SYCP1: variants seen among roughly 807,000 people sequenced by gnomAD.
SYCP1 encodes cancer/testis antigen 8.
SYCP1 carries 64 observed loss-of-function variants against 153.1 expected under a neutral mutation model. The ratio of observed to expected loss-of-function variants is 0.42; its 90% CI spans 0.34 to 0.51. SYCP1 has a LOEUF of 0.51. Ranked by LOEUF, SYCP1 falls within the 20% of genes least tolerant of loss-of-function variation. SYCP1 has a pLI of 0.06. For missense variants in SYCP1, 997 were observed against 1,049.0 expected (o/e 0.95, Z 0.68); for synonymous variants, 384 against 341.8 (o/e 1.12, Z -1.36).
chr1:114,992,715 C>A (rs1311232636), intron 30 of SYCP1, among the ~76,000 whole-genome samples: 1 of 151,474 alleles, frequency 6.6e-6, no homozygotes, highest in Non-Finnish European at 1.5e-5. Context: ...CTTCATGACA[C>A]TGGATTTGGC....
At chr1:114,873,204 G>A (rs1665276948) in intron 8 of SYCP1, among the ~76,000 whole-genome samples, 1 of 152,096 alleles carries the variant, frequency 6.6e-6, no homozygotes. Context: ...CTTTTAGTAT[G>A]CTTGTATTTT....
At chr1:114,911,440 G>GA (rs1283295444) in intron 17 of SYCP1, 39 bp from the exon 18 acceptor site, 23 of 1,475,620 alleles carry the variant, frequency 1.6e-5, no homozygotes, top group Non-Finnish European at 2.0e-5. Context: ...GAGAAAATTC[G>GA]AAAAACACTT....
At chr1:114,860,322 T>C (rs1664285876) in intron 7 of SYCP1, among the ~76,000 whole-genome samples, 1 of 152,180 alleles carries the variant, frequency 6.6e-6, no homozygotes, top group South Asian at 2.1e-4. Context: ...ATCAGAAAGT[T>C]ACCTTATTTT....
intron 8 of SYCP1, among the ~76,000 whole-genome samples, chr1:114,861,087 G>C (rs1214741925): frequency 6.6e-6 from 1 of 152,078 alleles, no homozygotes; most frequent in Non-Finnish European, 1.5e-5. Context: ...ACTAACCTCT[G>C]TCTGGAACAA....
At chr1:114,881,543 T>TTCCTTCCTTCCTTC (rs1383711421) in intron 12 of SYCP1, among the ~76,000 whole-genome samples, 4,319 of 123,182 alleles carry the variant, frequency 0.035, 248 homozygotes, top group Middle Eastern at 0.052. Flanking sequence ...TTCCTTCCTT[T>TTCCTTCCTTCCTTC]CTTGATGGAG....
At chr1:114,899,631 AAAG>A (rs1667287634) in intron 16 of SYCP1, among the ~76,000 whole-genome samples, 1 of 152,232 alleles carries the variant, frequency 6.6e-6, no homozygotes, top group Non-Finnish European at 1.5e-5. Flanking sequence ...CACAATTGAC[AAAG>A]AAGTTTGGTA....
At chr1:114,880,337 CTTTCTTTTTACTT>C in intron 12 of SYCP1, among the ~76,000 whole-genome samples, 1 of 152,278 alleles carries the variant, frequency 6.6e-6, no homozygotes, top group Non-Finnish European at 1.5e-5. Flanking sequence ...ATTTGATTTT[CTTTCTTTTTACTT>C]TTTCTTTTTT....
At chr1:114,867,648 A>G (rs1435824340) in intron 8 of SYCP1, among the ~76,000 whole-genome samples, 1 of 151,156 alleles carries the variant, frequency 6.6e-6, no homozygotes, top group African/African-American at 2.4e-5. Context: ...TAGTTCCAGG[A>G]TTTTTTTTTG....
chr1:114,894,817 G>T (rs1027002751), intron 15 of SYCP1, among the ~76,000 whole-genome samples: 1 of 152,078 alleles, frequency 6.6e-6, no homozygotes, highest in Non-Finnish European at 1.5e-5. Flanking sequence ...ATAAGCATTA[G>T]TTTTACTTGG....
At chr1:114,939,124 A>G (rs1171743640) in intron 23 of SYCP1, among the ~76,000 whole-genome samples, 1 of 152,196 alleles carries the variant, frequency 6.6e-6, no homozygotes, top group Non-Finnish European at 1.5e-5. Context: ...TCATAGCAAC[A>G]TTATTCACAA....
chr1:114,919,250 A>T (rs1444749543), intron 20 of SYCP1, among the ~76,000 whole-genome samples: 1 of 152,096 alleles, frequency 6.6e-6, no homozygotes, highest in Non-Finnish European at 1.5e-5. Flanking sequence ...TTTCAGCATC[A>T]ATTGAAATGA....
In SYCP1 at chr1:114,857,444, G is replaced by T. The variant is rs1415967777; in HGVS notation, c.238G>T (p.Val80Phe). 3 of 1,596,664 alleles carry T rather than the reference G, an allele frequency of 1.9e-6. No homozygotes were observed. The highest frequency in any genetic ancestry group is 2.6e-6 in the Non-Finnish European group (3 of 1,171,306). ...CTTATAGAAACATCTATCTTTTTAGGTTGGTAATTCTGACTGTCACTATCA... is the reference window on the plus strand; with the variant it reads ...CTTATAGAAACATCTATCTTTTTAGTTTGGTAATTCTGACTGTCACTATCA... The part of the protein sequence containing the change: ...KVNFLPVLEQ[V>F]GNSDCHYQEG... Residue 80 changes from valine to phenylalanine, a missense_variant and splice_region_variant, in exon 5 of 32, where the codon GTT becomes TTT. Physicochemically the swap from Val to Phe is conservative, Grantham distance 50. Transcript: ENST00000369522.
chr1:114,958,704 A>G (rs1198777219), intron 27 of SYCP1, among the ~76,000 whole-genome samples: 3 of 150,616 alleles, frequency 2.0e-5, no homozygotes, highest in Admixed American at 6.6e-5. Flanking sequence ...GCGGATCACA[A>G]GGTCAGGAGA....
At chr1:114,986,294 A>C (rs1171578634) in intron 30 of SYCP1, among the ~76,000 whole-genome samples, 1 of 152,048 alleles carries the variant, frequency 6.6e-6, no homozygotes, top group Non-Finnish European at 1.5e-5. Context: ...AAGTCATTGC[A>C]CATGATAACT....
intron 27 of SYCP1, among the ~76,000 whole-genome samples, chr1:114,964,481 T>G (rs1168252998): frequency 6.6e-6 from 1 of 152,196 alleles, no homozygotes; most frequent in Admixed American, 6.5e-5. Context: ...TGCCTAGGTT[T>G]TTTTTCTAGG....
chr1:114,910,569 A>G (rs1668111214), intron 17 of SYCP1, 68 bp downstream of exon 17: 1 of 979,508 alleles, frequency 1.0e-6, no homozygotes, highest in Non-Finnish European at 1.4e-6. Context: ...GGATTATGGT[A>G]TAAGTATTTC....
intron 23 of SYCP1, among the ~76,000 whole-genome samples, chr1:114,939,360 G>A (rs1254682727): frequency 6.6e-6 from 1 of 152,074 alleles, no homozygotes; most frequent in Non-Finnish European, 1.5e-5. Flanking sequence ...ATTCATGGTG[G>A]CTTTATCCAC....
At position 114,913,980 on chromosome 1, in the gene SYCP1, C is replaced by T. The variant is rs1416414780; in HGVS notation, c.1653C>T (p.Asn551=). ...LKNQQEDINN[N]KKQEERMLKQ... ...AAACAACATTATTTCTTTAGAATAA[C>T]AAAAAGCAAGAAGAAAGGATGTTGA... The change falls in exon 20 of 32, where the codon AAC becomes AAT. Residue 551 remains asparagine, a synonymous_variant. Coordinates refer to ENST00000369522, the MANE Select transcript of SYCP1 (RefSeq NM_003176.4). 5.8e-6 allele frequency: 9 copies of T among 1,552,224 alleles called. No individual in the cohort carries two copies. The East Asian group carries it at 7.1e-5, about 12-fold the overall frequency.
chr1:114,895,324 T>C (rs1666985240), intron 15 of SYCP1, 124 bp from the exon 16 acceptor site: 1 of 470,524 alleles, frequency 2.1e-6, no homozygotes, highest in Non-Finnish European at 3.8e-6. Flanking sequence ...TGCTTTACAT[T>C]GCTCTAGTTG....
Sources: gnomAD v4.1 joint callset for allele counts (sites outside exome capture counted in the v4.1 genomes callset) on GRCh38, gnomAD v4.1.1 for gene constraint, MANE v1.5 for transcripts, NCBI Gene and HGNC (gene_info 2026-07-23, HGNC 2026-07-21) for gene names.